SBK1: variants seen among roughly 807,000 people sequenced by gnomAD.
SBK1 encodes serine/threonine-protein kinase SBK1.
In SBK1, 11 loss-of-function variants were observed where a neutral mutation model predicts 24.4. The observed-to-expected ratio is 0.45, with a 90% CI of 0.28 to 0.75. The LOEUF is 0.75. Among genes scored for constraint, SBK1 ranks in the 30% least tolerant of loss-of-function variants. SBK1 has a pLI of 0.12. For synonymous variants in SBK1, 308 were observed against 284.4 expected (o/e 1.08, Z -0.83); for missense variants, 467 against 620.5 (o/e 0.75, Z 2.63).
rs759293707 is a variant in SBK1, at chr16:28,317,487, C to T, written c.96C>T (p.Leu32=). ...GGCCTGGTGCCGGTGTGCCCCTTCTCACTGAAGACATGCAGGCCCTGACTC... is the reference window on the plus strand; with the variant it reads ...GGCCTGGTGCCGGTGTGCCCCTTCTTACTGAAGACATGCAGGCCCTGACTC... The part of the protein sequence containing the change: ...APGPGAGVPL[L]TEDMQALTLR... The change falls in exon 2 of 4, where the codon CTC becomes CTT. Residue 32 remains leucine (L), a synonymous_variant. Coordinates refer to ENST00000341901, the MANE Select transcript of SBK1 (RefSeq NM_001024401.3). The surrounding 1 kb of genome is among the most constrained non-coding windows in gnomAD (Gnocchi z 4.2). 1 of 1,614,198 alleles carries T rather than the reference C, an allele frequency of 6.2e-7. No individual in the cohort carries two copies. The highest frequency in any genetic ancestry group is 2.2e-5 in the East Asian group (1 of 44,872).
At chr16:28,289,675 G>A (rs2044587122), upstream of SBK1, among the ~76,000 whole-genome samples, 2 of 151,914 alleles carry the variant, frequency 1.3e-5, no homozygotes, top group Admixed American at 6.6e-5. Context: ...GCTGAGGCAG[G>A]AGAATCACTT....
At chr16:28,264,410 C>G (rs2044415691) in intron 1 of SBK1, among the ~76,000 whole-genome samples, 2 of 151,196 alleles carry the variant, frequency 1.3e-5, no homozygotes. Flanking sequence ...CCCATCTCTA[C>G]TAAAAATACA....
intron 1 of SBK1, among the ~76,000 whole-genome samples, chr16:28,311,287 T>A (rs539015270): frequency 7.2e-5 from 11 of 152,254 alleles, no homozygotes; most frequent in South Asian, 2.1e-4. Flanking sequence ...TGAATCTTGC[T>A]GTTCAGCAGA....
rs117282663 is a variant in SBK1, at chr16:28,316,996, A to C, written c.-7-389A>C. Among the ~76,000 whole-genome samples the C allele has an allele frequency of 3.5e-3, 533 of 152,354 alleles. 8 individuals carry two copies. The highest frequency in any genetic ancestry group is 0.034 in the East Asian group (178 of 5,186). ...GGATTTCGAGACCAGCCTGGGCCAC[A>C]TAGTGGGACCCCCCTCTCTACAATC... is the stretch of plus-strand genomic sequence containing the variant. On this transcript the variant is annotated intron_variant, in intron 1 of 3. Transcript: ENST00000341901.
At chr16:28,279,362 G>A (rs1327690121) in intron 1 of SBK1, among the ~76,000 whole-genome samples, 3 of 138,356 alleles carry the variant, frequency 2.2e-5, no homozygotes, top group Non-Finnish European at 4.5e-5. Flanking sequence ...TTGCACCACT[G>A]CACTCCAGCC....
rs192643243 is a variant in SBK1, at chr16:28,300,841, C to G, written c.-8+7541C>G. ...TACTGAGGATGGGGAAATGGGGAGA[C>G]GGTAAGTGGCAGATCCAAAGCTTCC... On this transcript the variant is annotated intron_variant, in intron 1 of 3. Coordinates refer to ENST00000341901, the MANE Select transcript of SBK1 (RefSeq NM_001024401.3). Among the ~76,000 whole-genome samples, 3 of 152,128 alleles carry G rather than the reference C, an allele frequency of 2.0e-5. 1 individual carries two copies. Among genetic ancestry groups the G allele is most frequent in the South Asian group, 4.1e-4 (2 of 4,830 alleles).
At chr16:28,280,147 A>ATGTGTGTGTGTGTGTGTGTG (rs1258164420) in intron 1 of SBK1, among the ~76,000 whole-genome samples, 91 of 48,324 alleles carry the variant, frequency 1.9e-3, no homozygotes, top group Non-Finnish European at 3.4e-3. Flanking sequence ...ATATATATAT[A>ATGTGTGTGTGTGTGTGTGTG]TATGTGTGTG....
rs1172303616 is a variant in SBK1 at position 28,322,967 on chromosome 16, T to C, written c.*2046T>C. On this transcript the variant is annotated 3_prime_UTR_variant, in exon 4 of 4. Coordinates refer to ENST00000341901, the MANE Select transcript of SBK1 (RefSeq NM_001024401.3). ...CTCTCTCTCTCTCTCTCTCTCTCTC[T>C]CTCTCTCTCTCTCCTCTCTTTCTCT... 2 of 131,800 alleles carry C rather than the reference T, an allele frequency of 1.5e-5. No homozygotes were observed. The highest frequency in any genetic ancestry group is 5.8e-5 in the African/African-American group (2 of 34,580). The allele number at this position is 131,800 out of a possible 1,614,324, so 8.2% of individuals were successfully genotyped here.
chr16:28,307,549 G>A (rs557758784), intron 1 of SBK1, among the ~76,000 whole-genome samples: 13 of 152,214 alleles, frequency 8.5e-5, no homozygotes, highest in African/African-American at 3.1e-4. Context: ...AGACCAGCCT[G>A]GCCAGCATGG....
chr16:28,320,611 G>C lies in SBK1; in HGVS notation c.965G>C (p.Arg322Pro), dbSNP rs757766391. The C allele has an allele frequency of 7.1e-7, 1 of 1,406,518 alleles. No homozygotes were observed. Among genetic ancestry groups the C allele is most frequent in the African/African-American group, 1.5e-5 (1 of 65,396 alleles). The allele number at this position is 1,406,518 out of a possible 1,614,324, so 87.1% of individuals were successfully genotyped here. A position where few individuals can be genotyped will look rare whatever the true frequency, so the allele number is the denominator to read the frequency against. ...AAGCACGAGCTCACGTCCGAGCTGC[G>C]CCGCCGGCCCTCGCACCGCGCGCGC... Reference protein sequence around the residue: ...FLKHELTSELRRRPSHRARKP... With the variant: ...FLKHELTSELPRRPSHRARKP... The change falls in exon 4 of 4, where the codon CGC (arginine) becomes CCC (proline). Residue 322 changes from arginine (R) to proline (P), a missense_variant. Physicochemically the swap from Arg to Pro is moderately radical, Grantham distance 103 (BLOSUM62 -2). Transcript: ENST00000341901. This position sits in a 1 kb window ranked among gnomAD's most constrained non-coding sequence, Gnocchi z 8.5.
intron 1 of SBK1, among the ~76,000 whole-genome samples, chr16:28,269,771 AAGGCTG>A (rs940508098): frequency 2.0e-5 from 3 of 151,548 alleles, no homozygotes; most frequent in African/African-American, 7.3e-5. Context: ...AGCTACTCTC[AAGGCTG>A]AGGCACGAGA....
chr16:28,320,593 A>G lies in SBK1; in HGVS notation c.947A>G (p.Glu316Gly). ...GAGGTGTTCCGCTTCCTCAAGCACG[A>G]GCTCACGTCCGAGCTGCGCCGCCGG... Reference protein sequence around the residue: ...AKEVFRFLKHELTSELRRRPS... With the variant: ...AKEVFRFLKHGLTSELRRRPS... The change falls in exon 4 of 4, where the codon GAG becomes GGG. Residue 316 changes from glutamate (E) to glycine (G), a missense_variant. Transcript: ENST00000341901. This position sits in a 1 kb window ranked among gnomAD's most constrained non-coding sequence, Gnocchi z 8.5. 3 of 1,495,702 alleles carry G rather than the reference A, an allele frequency of 2.0e-6. No homozygotes were observed. The highest frequency in any genetic ancestry group is 2.4e-5 in the South Asian group (2 of 81,760). 92.7% of individuals were successfully genotyped at this position (1,495,702 alleles called of 1,614,324 possible). A position where few individuals can be genotyped will look rare whatever the true frequency, so the allele number is the denominator to read the frequency against.
intron 1 of SBK1, among the ~76,000 whole-genome samples, chr16:28,271,887 G>A (rs1293468754): frequency 1.3e-5 from 2 of 152,194 alleles, no homozygotes; most frequent in East Asian, 3.8e-4. Context: ...ACTCTGCCAA[G>A]AGAATGTGAA....
At chr16:28,310,921 C>T (rs924538610) in intron 1 of SBK1, among the ~76,000 whole-genome samples, 3 of 152,186 alleles carry the variant, frequency 2.0e-5, no homozygotes, top group East Asian at 1.9e-4. Context: ...GCCTCAAGGC[C>T]CATTGCTCCC....
chr16:28,319,996 A>T lies in SBK1; in HGVS notation c.430-80A>T. The T allele has an allele frequency of 7.3e-7, 1 of 1,371,330 alleles. No homozygotes were observed. 84.9% of individuals were successfully genotyped at this position (1,371,330 alleles called of 1,614,324 possible). ...GGTGGGAGGCGAAAACCGCCTTGCTAGAGAGGGAGCTGGAGGGGAGGGCGG... is the reference window on the plus strand; with the variant it reads ...GGTGGGAGGCGAAAACCGCCTTGCTTGAGAGGGAGCTGGAGGGGAGGGCGG... On this transcript the variant is annotated intron_variant, in intron 3 of 3. Transcript: ENST00000341901. This position sits in a 1 kb window ranked among gnomAD's most constrained non-coding sequence, Gnocchi z 4.0.
chr16:28,289,777 A>C (rs1365082500), upstream of SBK1, among the ~76,000 whole-genome samples: 1 of 151,158 alleles, frequency 6.6e-6, no homozygotes, highest in East Asian at 2.0e-4. Flanking sequence ...CAGAAAAAAA[A>C]AAAAAACAAA....
At chr16:28,279,263 A>G (rs1418974952) in intron 1 of SBK1, among the ~76,000 whole-genome samples, 1 of 150,572 alleles carries the variant, frequency 6.6e-6, no homozygotes, top group Non-Finnish European at 1.5e-5. Context: ...GCTGGGCGCT[A>G]TGGCTCATGC....
rs1438761662 is a variant in SBK1, at chr16:28,322,937, T to G, written c.*2016T>G. The G allele has an allele frequency of 1.7e-3, 46 of 26,718 alleles. 2 individuals carry two copies. The highest frequency in any genetic ancestry group is 4.5e-3 in the Admixed American group (8 of 1,774). The allele number at this position is 26,718 out of a possible 1,614,324, so 1.7% of individuals were successfully genotyped here. ...CGCGCGCGCTCTCTCTCTCCCTCTC[T>G]CTCTCTCTCTCTCTCTCTCTCTCTC... On this transcript the variant is annotated 3_prime_UTR_variant, in exon 4 of 4. Coordinates refer to ENST00000341901, the MANE Select transcript of SBK1 (RefSeq NM_001024401.3).
In SBK1 at chr16:28,322,204, C is replaced by T. The variant is rs534512254; in HGVS notation, c.*1283C>T. On this transcript the variant is annotated 3_prime_UTR_variant, in exon 4 of 4. Coordinates refer to ENST00000341901, the MANE Select transcript of SBK1 (RefSeq NM_001024401.3). ...GACCCCTCACCAGCGGCCCCCCCAC[C>T]ACACCCTGGTCCTCCCAGGCAGCTG... is the stretch of plus-strand genomic sequence containing the variant. 3 of 153,166 alleles carry T rather than the reference C, an allele frequency of 2.0e-5. No homozygotes were observed. Among genetic ancestry groups the T allele is most frequent in the African/African-American group, 4.8e-5 (2 of 41,554 alleles). The allele number at this position is 153,166 out of a possible 1,614,324, so 9.5% of individuals were successfully genotyped here.
Sources: gnomAD v4.1 joint callset for allele counts (sites outside exome capture counted in the v4.1 genomes callset) on GRCh38, gnomAD v4.1.1 for gene constraint, Gnocchi (gnomAD v3.1) non-coding constraint, MANE v1.5 for transcripts, NCBI Gene and HGNC (gene_info 2026-07-23, HGNC 2026-07-21) for gene names.